ENTPD6: variants seen among roughly 807,000 people sequenced by gnomAD.
ENTPD6 encodes the protein CD39 antigen-like 2.
Under a neutral mutation model 61.5 loss-of-function variants are expected in ENTPD6, and 46 were observed. The observed-to-expected ratio is 0.75, with a 90% CI of 0.59 to 0.96. The LOEUF (loss-of-function observed/expected upper bound fraction) is 0.96. ENTPD6 is among the 40% of genes least tolerant of loss of function. ENTPD6 has a pLI of 0.00. For missense variants in ENTPD6, 612 were observed against 629.0 expected, an observed-to-expected ratio of 0.97 and a Z score of 0.29; for synonymous variants, 252 against 255.5, an observed-to-expected ratio of 0.99 and a Z score of 0.13.
At chr20:25,218,505 G>A (rs375844603) in intron 9 of ENTPD6, 45 bp from the exon 10 acceptor site, 18 of 1,565,606 alleles carry the variant, frequency 1.1e-5, no homozygotes, top group Non-Finnish European at 1.5e-5. Flanking sequence ...GCCATGACCT[G>A]TACCTGCCAT....
At chr20:25,205,295 G>C (rs1165411714) in intron 1 of ENTPD6, among the ~76,000 whole-genome samples, 1 of 152,174 alleles carries the variant, frequency 6.6e-6, no homozygotes, top group Non-Finnish European at 1.5e-5. Flanking sequence ...TGCAGGTTGG[G>C]GGCATCCGGG....
In ENTPD6 at chr20:25,221,314, G is replaced by A; in HGVS notation, c.1026G>A (p.Arg342=). ...GGGAACACGCAGAAGTCACGTACAG[G>A]GTTTCAGGGCAGAAAGCAGGTACGG... ...GEWEHAEVTY[R]VSGQKAAASL... is the part of the protein sequence containing the mutation. The change falls in exon 11 of 15, where the codon AGG becomes AGA. Residue 342 remains arginine, a synonymous_variant. Transcript: ENST00000376652. 1.2e-6 allele frequency: 2 copies of A among 1,614,184 alleles called. No homozygotes were observed. Among genetic ancestry groups the A allele is most frequent in the Non-Finnish European group, 1.7e-6 (2 of 1,180,020 alleles).
At chr20:25,222,592 G>A (rs1194743782) in intron 11 of ENTPD6, 1 of 457,502 alleles carries the variant, frequency 2.2e-6, no homozygotes, top group South Asian at 3.0e-5. Flanking sequence ...GTCCAGGTCT[G>A]CCGCTGCCTT....
Position 25,222,985 on chromosome 20 carries a change from G to C in ENTPD6, c.1186+7G>C. 1 of 1,612,204 alleles carries C rather than the reference G, an allele frequency of 6.2e-7. No homozygotes were observed. The highest frequency in any genetic ancestry group is 8.5e-7 in the Non-Finnish European group (1 of 1,179,310). ...GCTGGTGTGGGCCTCATAGGTAAGG[G>C]GGCCCGGATGGGCTGAGCAGGAAGG... On this transcript the variant is annotated splice_region_variant and intron_variant, in intron 12 of 14. Coordinates refer to ENST00000376652, the MANE Select transcript of ENTPD6 (RefSeq NM_001247.5).
At chr20:25,199,395 C>A (rs2090836343) in intron 1 of ENTPD6, among the ~76,000 whole-genome samples, 2 of 152,190 alleles carry the variant, frequency 1.3e-5, no homozygotes, top group Non-Finnish European at 2.9e-5. Flanking sequence ...CCCTCTTTAT[C>A]CCCATCCCTC....
chr20:25,214,742 C>G, intron 5 of ENTPD6, 125 bp from the exon 6 acceptor site: 1 of 657,510 alleles, frequency 1.5e-6, no homozygotes, highest in East Asian at 2.7e-5. Flanking sequence ...TGATCACAAC[C>G]AGTTACAGAT....
intron 10 of ENTPD6, among the ~76,000 whole-genome samples, chr20:25,219,839 T>TA (rs747474460): frequency 7.9e-5 from 12 of 152,354 alleles, no homozygotes; most frequent in Non-Finnish European, 1.5e-4. Context: ...GTGCATGCCC[T>TA]ACTTCAGTTC....
At chr20:25,204,881 T>G (rs1354517136) in intron 1 of ENTPD6, among the ~76,000 whole-genome samples, 3 of 152,154 alleles carry the variant, frequency 2.0e-5, no homozygotes, top group African/African-American at 7.2e-5. Flanking sequence ...GGGCATTCTC[T>G]TGGTTGCTGT....
At chr20:25,219,335 G>A (rs1258191978) in intron 10 of ENTPD6, among the ~76,000 whole-genome samples, 1 of 152,178 alleles carries the variant, frequency 6.6e-6, no homozygotes, top group African/African-American at 2.4e-5. Flanking sequence ...GGAGGGCTGT[G>A]GGGGGTGCTG....
chr20:25,197,749 T>G (rs1304488169), intron 1 of ENTPD6, among the ~76,000 whole-genome samples: 1 of 152,246 alleles, frequency 6.6e-6, no homozygotes, highest in African/African-American at 2.4e-5. Context: ...TGTTCCTGGT[T>G]CTGTGCTCTC....
chr20:25,223,780 A>T, intron 12 of ENTPD6: 1 of 202,784 alleles, frequency 4.9e-6, no homozygotes, highest in Non-Finnish European at 9.8e-6. Context: ...TTCAGGAAAC[A>T]TTTCAATTTC....
At chr20:25,223,907 A>C in intron 12 of ENTPD6, 194 bp from the exon 13 acceptor site, 3 of 451,804 alleles carry the variant, frequency 6.6e-6, no homozygotes, top group Non-Finnish European at 7.9e-6. Context: ...TCAGCCCCCA[A>C]ACCCACCCCA....
intron 1 of ENTPD6, chr20:25,196,239 A>G (rs2090393192): frequency 1.5e-5 from 17 of 1,115,080 alleles, no homozygotes; most frequent in Non-Finnish European, 1.9e-5. Context: ...TTCGCGTAGC[A>G]GTTTCTGGGA....
intron 3 of ENTPD6, among the ~76,000 whole-genome samples, chr20:25,208,566 T>G (rs1400993943): frequency 6.6e-6 from 1 of 152,238 alleles, no homozygotes; most frequent in Non-Finnish European, 1.5e-5. Context: ...GTCCCAGGGT[T>G]TTCTCTTTGG....
chr20:25,209,784 A>T, intron 3 of ENTPD6, 65 bp from the exon 4 acceptor site: 1 of 1,393,030 alleles, frequency 7.2e-7, no homozygotes, highest in Non-Finnish European at 1.0e-6. Flanking sequence ...GTGGCTAGTC[A>T]TGATTGTATG....
rs892072342 is a variant in ENTPD6, at chr20:25,227,245, A to G, written c.*1648A>G. On this transcript the variant is annotated 3_prime_UTR_variant, in exon 15 of 15. Coordinates refer to ENST00000376652, the MANE Select transcript of ENTPD6 (RefSeq NM_001247.5). ...GGCCTGCACAGAGCAGGAAAGGACA[A>G]AAGACAAAAAGAGGAACAGTTTCCT... Among the ~76,000 whole-genome samples the G allele has an allele frequency of 6.6e-5, 10 of 152,200 alleles. No individual in the cohort carries two copies. Among genetic ancestry groups the G allele is most frequent in the Admixed American group, 2.0e-4 (3 of 15,292 alleles).
chr20:25,203,640 G>C (rs1365072807), intron 1 of ENTPD6, among the ~76,000 whole-genome samples: 1 of 152,006 alleles, frequency 6.6e-6, no homozygotes, highest in Non-Finnish European at 1.5e-5. Context: ...TTATTTTCTT[G>C]ATTTCTTTTC....
At chr20:25,213,738 C>T (rs558670935) in intron 5 of ENTPD6, among the ~76,000 whole-genome samples, 1 of 152,246 alleles carries the variant, frequency 6.6e-6, no homozygotes, top group South Asian at 2.1e-4. Context: ...TCATTTGAGC[C>T]CAGGAGTTCA....
At chr20:25,222,790 C>T (rs2092680771) in intron 11 of ENTPD6, 48 bp from the exon 12 acceptor site, 1 of 1,602,938 alleles carries the variant, frequency 6.2e-7, no homozygotes, top group Non-Finnish European at 8.5e-7. Context: ...AGCTGTGAGG[C>T]CTGGGTGCTC....
Sources: gnomAD v4.1 joint callset for allele counts (sites outside exome capture counted in the v4.1 genomes callset) on GRCh38, gnomAD v4.1.1 for gene constraint, MANE v1.5 for transcripts, NCBI Gene and HGNC (gene_info 2026-07-23, HGNC 2026-07-21) for gene names.